The following RNF168 variants were observed in gnomAD, a reference collection of about 807,000 sequenced individuals.
The protein encoded by RNF168 is ring finger protein 168, also known as E3 ubiquitin-protein ligase RNF168.
Under a neutral mutation model 34.9 loss-of-function variants are expected in RNF168, and 34 were observed. The observed-to-expected ratio is 0.97, with a 90% confidence interval of 0.74 to 1.30. The LOEUF is 1.30. Ranked by LOEUF, RNF168 falls within the 50% of genes most tolerant of loss-of-function variation. The pLI is 0.00. For missense variants in RNF168, 725 were observed against 682.5 expected, an observed-to-expected ratio of 1.06 and a Z score of -0.69; for synonymous variants, 264 against 254.7, an observed-to-expected ratio of 1.04 and a Z score of -0.35.
At chr3:196,481,090 CCT>C (rs773965537) in intron 4 of RNF168, among the ~76,000 whole-genome samples, 6 of 152,072 alleles carry the variant, frequency 3.9e-5, no homozygotes, top group Non-Finnish European at 8.8e-5. Flanking sequence ...TAAAAATGTA[CCT>C]CTGACTTTTT....
In RNF168 at chr3:196,487,476, C is replaced by T; in HGVS notation, c.481G>A (p.Ala161Thr). Residue 161 changes from alanine (A) to threonine (T), a missense_variant, in exon 3 of 6, where the codon GCA becomes ACA. Coordinates refer to ENST00000318037, the MANE Select transcript of RNF168 (RefSeq NM_152617.4). The part of the protein sequence containing the change: ...AEEEEEEKRQ[A>T]EKRRRAMEEQ... Reference sequence around the variant, plus strand: ...TCCATCGCTCTTCGCCTTTTTTCTGCCTGTCTTTTTTCCTCTTCTTCCTCC... The same window carrying T: ...TCCATCGCTCTTCGCCTTTTTTCTGTCTGTCTTTTTTCCTCTTCTTCCTCC... 6.2e-7 allele frequency: 1 copy of T among 1,614,148 alleles called. No homozygotes were observed. The highest frequency in any genetic ancestry group is 8.5e-7 in the Non-Finnish European group (1 of 1,179,974).
chr3:196,486,929 T>G (rs910867753), intron 3 of RNF168, among the ~76,000 whole-genome samples: 2 of 152,116 alleles, frequency 1.3e-5, no homozygotes, highest in African/African-American at 4.8e-5. Flanking sequence ...GGCATGGTAG[T>G]GCCAGCCTGT....
chr3:196,475,400 T>A, intron 4 of RNF168, 88 bp from the exon 5 acceptor site: 1 of 792,646 alleles, frequency 1.3e-6, no homozygotes, highest in Non-Finnish European at 2.2e-6. Flanking sequence ...CCGAAGGTTG[T>A]CTGGTTTGCT....
Position 196,471,573 on chromosome 3 carries a change from C to T in RNF168, c.*246G>A, listed in dbSNP as rs1286785092. ...GAGTTGGCCAAAGCTTAAGATATCTCTAAGAATTGTAAAGCTTAATACACA... is the reference window on the plus strand; with the variant it reads ...GAGTTGGCCAAAGCTTAAGATATCTTTAAGAATTGTAAAGCTTAATACACA... On this transcript the variant is annotated 3_prime_UTR_variant, in exon 6 of 6. Transcript: ENST00000318037. The T allele has an allele frequency of 2.2e-6, 1 of 454,760 alleles. No individual in the cohort carries two copies. The highest frequency in any genetic ancestry group is 3.8e-5 in the East Asian group (1 of 26,482). 28.2% of individuals were successfully genotyped at this position (454,760 alleles called of 1,614,324 possible). A position where few individuals can be genotyped will look rare whatever the true frequency, so the allele number is the denominator to read the frequency against.
chr3:196,480,484 C>G (rs1732260927), intron 4 of RNF168, among the ~76,000 whole-genome samples: 1 of 152,236 alleles, frequency 6.6e-6, no homozygotes, highest in African/African-American at 2.4e-5. Flanking sequence ...CTGAGCGAGA[C>G]TCCGTCTCAA....
intron 3 of RNF168, among the ~76,000 whole-genome samples, chr3:196,484,549 A>G (rs984391615): frequency 7.0e-6 from 1 of 142,326 alleles, no homozygotes; most frequent in African/African-American, 2.6e-5. Context: ...TGTAGCAATC[A>G]TGGCTCCTTG....
At chr3:196,486,094 A>C (rs1732414980) in intron 3 of RNF168, among the ~76,000 whole-genome samples, 1 of 152,172 alleles carries the variant, frequency 6.6e-6, no homozygotes, top group Admixed American at 6.5e-5. Flanking sequence ...CATTTAATTC[A>C]TTTTCTTACA....
At chr3:196,495,932 A>G (rs1179672626) in intron 1 of RNF168, among the ~76,000 whole-genome samples, 1 of 152,178 alleles carries the variant, frequency 6.6e-6, no homozygotes, top group East Asian at 1.9e-4. Context: ...CGTCACACTA[A>G]TTCACTTTCA....
chr3:196,498,404 C>T (rs1732795331), intron 1 of RNF168, among the ~76,000 whole-genome samples: 1 of 152,022 alleles, frequency 6.6e-6, no homozygotes, highest in African/African-American at 2.4e-5. Flanking sequence ...CCACCCGCCT[C>T]GGCCTCCCAA....
At chr3:196,476,355 A>AT (rs1198163107) in intron 4 of RNF168, among the ~76,000 whole-genome samples, 1 of 151,754 alleles carries the variant, frequency 6.6e-6, no homozygotes, top group East Asian at 1.9e-4. Context: ...AAAGTCCATG[A>AT]TTAAATTCCT....
intron 4 of RNF168, among the ~76,000 whole-genome samples, chr3:196,483,332 A>T (rs894016693): frequency 2.0e-5 from 3 of 152,156 alleles, no homozygotes; most frequent in Non-Finnish European, 4.4e-5. Context: ...CACCAACTCC[A>T]CCTGGCACCT....
In RNF168 at chr3:196,469,523, A is replaced by G. The variant is rs560798206; in HGVS notation, c.*2296T>C. 6.6e-6 allele frequency: 1 copy of G among 152,354 alleles called. No homozygotes were observed. Among genetic ancestry groups the G allele is most frequent in the South Asian group, 2.1e-4 (1 of 4,828 alleles). The allele number at this position is 152,354 out of a possible 1,614,324, so 9.4% of individuals were successfully genotyped here. A position where few individuals can be genotyped will look rare whatever the true frequency, so the allele number is the denominator to read the frequency against. Reference sequence around the variant, plus strand: ...AATTTAAGCTAGAATTAGCTCCAGGACATTTTATCTTATTTTCACATTAAA... The same window carrying G: ...AATTTAAGCTAGAATTAGCTCCAGGGCATTTTATCTTATTTTCACATTAAA... On this transcript the variant is annotated 3_prime_UTR_variant, in exon 6 of 6. Coordinates refer to ENST00000318037, the MANE Select transcript of RNF168 (RefSeq NM_152617.4).
chr3:196,475,613 TG>T (rs1732128234), intron 4 of RNF168, among the ~76,000 whole-genome samples: 1 of 148,510 alleles, frequency 6.7e-6, no homozygotes, highest in Non-Finnish European at 1.5e-5. Context: ...TGCAGTGGTG[TG>T]ATCTCCGCTC....
intron 1 of RNF168, among the ~76,000 whole-genome samples, chr3:196,493,566 C>T (rs937732208): frequency 2.0e-5 from 3 of 152,058 alleles, no homozygotes; most frequent in Non-Finnish European, 4.4e-5. Context: ...GCTCTTGTTG[C>T]CCAGGCTGGA....
chr3:196,491,104 G>C (rs1170585085), intron 1 of RNF168, among the ~76,000 whole-genome samples: 1 of 151,952 alleles, frequency 6.6e-6, no homozygotes, highest in African/African-American at 2.4e-5. Context: ...CATGAGGTCA[G>C]GAGTTCGAGA....
intron 1 of RNF168, among the ~76,000 whole-genome samples, chr3:196,490,036 G>A (rs537346433): frequency 1.2e-4 from 19 of 152,274 alleles, no homozygotes; most frequent in South Asian, 6.2e-4. Context: ...GGTTTCCATC[G>A]GCTTGAACTC....
chr3:196,484,127 A>C (rs1254513236), intron 3 of RNF168, among the ~76,000 whole-genome samples: 1 of 151,748 alleles, frequency 6.6e-6, no homozygotes, highest in African/African-American at 2.4e-5. Flanking sequence ...AATAAGGCAT[A>C]ATACTAACCT....
rs1732962838 is a variant in RNF168 at position 196,503,637 on chromosome 3, C to G, written c.-464G>C. The G allele has an allele frequency of 4.6e-6, 1 of 218,268 alleles. No individual in the cohort carries two copies. The highest frequency in any genetic ancestry group is 5.6e-5 in the South Asian group (1 of 17,936). 13.5% of individuals were successfully genotyped at this position (218,268 alleles called of 1,614,324 possible). A position where few individuals can be genotyped will look rare whatever the true frequency, so the allele number is the denominator to read the frequency against. Reference sequence around the variant, plus strand: ...CATAACTTCCGCTTTACCGCTGCTGCGGGGGAGACGCGCGACTCCCGTGTT... The same window carrying G: ...CATAACTTCCGCTTTACCGCTGCTGGGGGGGAGACGCGCGACTCCCGTGTT... On this transcript the variant is annotated 5_prime_UTR_variant, in exon 1 of 6. Transcript: ENST00000318037.
At position 196,470,341 on chromosome 3, in the gene RNF168, CCAAT is replaced by C. The variant is rs1031202840; in HGVS notation, c.*1474_*1477del. The C allele has an allele frequency of 4.0e-5, 6 of 150,148 alleles. No homozygotes were observed. The highest frequency in any genetic ancestry group is 9.9e-5 in the African/African-American group (4 of 40,416). 9.3% of individuals were successfully genotyped at this position (150,148 alleles called of 1,614,324 possible). ...CTCATCTGGACCAGTTTCTGACCAC[CCAAT>C]CAGTTTCAATGATCCAAACTGTCAG... On this transcript the variant is annotated 3_prime_UTR_variant, in exon 6 of 6. Coordinates refer to ENST00000318037, the MANE Select transcript of RNF168 (RefSeq NM_152617.4).
Sources: allele counts gnomAD v4.1 joint callset (sites outside exome capture counted in the v4.1 genomes callset), GRCh38; gene constraint gnomAD v4.1.1; transcripts MANE v1.5; gene names NCBI Gene and HGNC (gene_info 2026-07-23, HGNC 2026-07-21).